DISC1: variants seen among roughly 807,000 people sequenced by gnomAD.
The protein encoded by DISC1 is DISC1 scaffold protein, also known as disrupted in schizophrenia 1 protein.
In DISC1, 57 loss-of-function variants were observed where a neutral mutation model predicts 84.5. That is an observed-to-expected ratio of 0.67 (90% CI 0.55 to 0.84). The LOEUF is 0.84. DISC1 is among the 40% of genes least tolerant of loss of function. The pLI is 0.00. For missense variants in DISC1, 1,000 were observed against 1,057.8 expected, an observed-to-expected ratio of 0.95 and a Z score of 0.76; for synonymous variants, 411 against 415.2, an observed-to-expected ratio of 0.99 and a Z score of 0.12.
intron 2 of DISC1, among the ~76,000 whole-genome samples, chr1:231,697,772 G>A (rs951320629): frequency 6.6e-6 from 1 of 151,962 alleles, no homozygotes; most frequent in Non-Finnish European, 1.5e-5. Context: ...TGCACAGAGT[G>A]GCAAAATATT....
chr1:231,960,850 T>G lies in DISC1; in HGVS notation c.2042+1962T>G, dbSNP rs543692985. 5.3e-5 allele frequency among the ~76,000 whole-genome samples: 8 copies of G among 152,372 alleles called. No homozygotes were observed. In the East Asian group the frequency reaches 1.5e-3, roughly 29 times the overall value. On this transcript the variant is annotated intron_variant, in intron 10 of 12. Coordinates refer to ENST00000439617, the MANE Select transcript of DISC1 (RefSeq NM_018662.3). ...TGCCAATGGCAAGCCCAGGTTGTTTTGCCTGGGCTTCTGACCAACCAACTA... is the reference window on the plus strand; with the variant it reads ...TGCCAATGGCAAGCCCAGGTTGTTTGGCCTGGGCTTCTGACCAACCAACTA...
At chr1:231,923,444 G>A (rs1191970147) in intron 9 of DISC1, among the ~76,000 whole-genome samples, 2 of 152,238 alleles carry the variant, frequency 1.3e-5, no homozygotes, top group South Asian at 4.1e-4. Flanking sequence ...CCATTTACCA[G>A]GTGTTCGAGG....
chr1:231,960,549 G>T (rs1456447414), intron 10 of DISC1, among the ~76,000 whole-genome samples: 2 of 152,196 alleles, frequency 1.3e-5, no homozygotes, highest in Non-Finnish European at 2.9e-5. Context: ...ATCGTGCCCG[G>T]CCACCTCCTT....
At position 231,642,884 on chromosome 1, in the gene DISC1, G is replaced by A. The variant is rs539862230; in HGVS notation, c.67+15950G>A. Among the ~76,000 whole-genome samples, 4 of 152,274 alleles carry A rather than the reference G, an allele frequency of 2.6e-5. No homozygotes were observed. In the East Asian group the frequency reaches 7.7e-4, roughly 29 times the overall value. On this transcript the variant is annotated intron_variant, in intron 1 of 12. Coordinates refer to ENST00000439617, the MANE Select transcript of DISC1 (RefSeq NM_018662.3). ...TTCCTTCTTCCTTGGCTTCTCAGGT[G>A]TTTTAGCTCCAGGGAGGAAATAGTC...
chr1:231,802,537 G>A (rs2125655957), intron 8 of DISC1, among the ~76,000 whole-genome samples: 1 of 152,264 alleles, frequency 6.6e-6, no homozygotes, highest in East Asian at 1.9e-4. Context: ...CATCCATCCT[G>A]ACTTTGATCT....
intron 1 of DISC1, among the ~76,000 whole-genome samples, chr1:231,651,732 G>A (rs1250217062): frequency 6.6e-6 from 1 of 152,374 alleles, no homozygotes; most frequent in East Asian, 1.9e-4. Context: ...GAGAGCTGCG[G>A]TGGGCTCCGC....
intron 10 of DISC1, among the ~76,000 whole-genome samples, chr1:231,998,766 A>G (rs1666288073): frequency 6.6e-6 from 1 of 152,248 alleles, no homozygotes; most frequent in South Asian, 2.1e-4. Context: ...CAGAGTATGC[A>G]AATAAAGCTT....
intron 9 of DISC1, among the ~76,000 whole-genome samples, chr1:231,896,297 C>T (rs975780916): frequency 2.0e-5 from 3 of 152,120 alleles, no homozygotes; most frequent in African/African-American, 7.2e-5. Context: ...CAGGCTTTTG[C>T]AACAGGGGTA....
intron 9 of DISC1, among the ~76,000 whole-genome samples, chr1:231,885,346 A>G (rs576655494): frequency 6.6e-6 from 1 of 152,332 alleles, no homozygotes; most frequent in Non-Finnish European, 1.5e-5. Context: ...ACAGGACCAC[A>G]GAAGTTTTGA....
chr1:231,803,096 C>T (rs2079405508), intron 8 of DISC1, among the ~76,000 whole-genome samples: 1 of 152,082 alleles, frequency 6.6e-6, no homozygotes, highest in Non-Finnish European at 1.5e-5. Context: ...ACAATTTGGG[C>T]AGGGCTTGGC....
chr1:231,749,854 A>G, intron 3 of DISC1, 72 bp from the exon 4 acceptor site: 1 of 1,604,748 alleles, frequency 6.2e-7, no homozygotes, highest in Admixed American at 1.7e-5. Context: ...ACTGGAGCTA[A>G]GAGACACCGG....
At chr1:231,846,547 C>G (rs1158623894) in intron 9 of DISC1, among the ~76,000 whole-genome samples, 1 of 152,188 alleles carries the variant, frequency 6.6e-6, no homozygotes, top group African/African-American at 2.4e-5. Context: ...TTCTACAATG[C>G]CAGTGATTGT....
In DISC1 at chr1:231,723,798, C is replaced by G; in HGVS notation, c.1117+21774C>G. 3.0e-6 allele frequency: 3 copies of G among 985,426 alleles called. No individual in the cohort carries two copies. In the South Asian group the frequency reaches 1.4e-4, roughly 46 times the overall value. The allele number at this position is 985,426 out of a possible 1,614,324, so 61.0% of individuals were successfully genotyped here. A position where few individuals can be genotyped will look rare whatever the true frequency, so the allele number is the denominator to read the frequency against. On this transcript the variant is annotated intron_variant, in intron 3 of 12. Transcript: ENST00000439617. The stretch of plus-strand genomic sequence containing the variant: ...GGCAAGAACCGATGTTTCATTCTCT[C>G]CCTCCCTTCTTCCTCCCTCTTTTTT...
intron 1 of DISC1, among the ~76,000 whole-genome samples, chr1:231,636,088 G>A (rs1373490538): frequency 6.6e-6 from 1 of 152,148 alleles, no homozygotes. Context: ...TTTACCTATT[G>A]CTGGGTTTAC....
intron 9 of DISC1, among the ~76,000 whole-genome samples, chr1:231,878,925 A>T (rs918713560): frequency 4.6e-5 from 7 of 152,120 alleles, no homozygotes; most frequent in African/African-American, 1.7e-4. Context: ...ACAACATGAG[A>T]CTCATCCAGA....
intron 9 of DISC1, among the ~76,000 whole-genome samples, chr1:231,893,315 G>A (rs1380948497): frequency 9.2e-5 from 14 of 152,038 alleles, no homozygotes; most frequent in South Asian, 8.3e-4. Flanking sequence ...GTATATGTGC[G>A]GTTAATAAAA....
At chr1:231,835,936 A>G (rs892265262) in intron 9 of DISC1, among the ~76,000 whole-genome samples, 3 of 152,200 alleles carry the variant, frequency 2.0e-5, no homozygotes, top group Non-Finnish European at 2.9e-5. Context: ...AAAACATTCT[A>G]TTTCCACTCT....
chr1:231,831,105 C>G (rs1308299224), intron 9 of DISC1, among the ~76,000 whole-genome samples: 2 of 152,130 alleles, frequency 1.3e-5, no homozygotes, highest in Non-Finnish European at 2.9e-5. Context: ...AAATGGCTAC[C>G]CAGGCTAAGA....
chr1:231,801,967 C>T (rs535178242), intron 8 of DISC1, among the ~76,000 whole-genome samples: 73 of 151,876 alleles, frequency 4.8e-4, no homozygotes, highest in Non-Finnish European at 8.5e-4. Flanking sequence ...TACAGGCACC[C>T]GCCACCACGC....
Sources: gnomAD v4.1 joint callset for allele counts (sites outside exome capture counted in the v4.1 genomes callset) on GRCh38, gnomAD v4.1.1 for gene constraint, MANE v1.5 for transcripts, NCBI Gene and HGNC (gene_info 2026-07-23, HGNC 2026-07-21) for gene names.